CTNNA2: variants seen among roughly 807,000 people sequenced by gnomAD.
The protein encoded by CTNNA2 is catenin alpha-2.
In CTNNA2, 42 loss-of-function variants were observed where a neutral mutation model predicts 101.0. The ratio of observed to expected loss-of-function variants is 0.42; its 90% CI spans 0.32 to 0.54. CTNNA2 has a LOEUF of 0.54. Among genes scored for constraint, CTNNA2 ranks in the 20% least tolerant of loss-of-function variants. The probability of loss-of-function intolerance (pLI) is 0.14; values close to 1 mark genes in which losing one functional copy is unlikely to be tolerated. For synonymous variants in CTNNA2, 450 were observed against 456.4 expected (o/e 0.99, Z 0.18); for missense variants, 871 against 1,223.1 (o/e 0.71, Z 4.29).
At chr2:79,316,656 C>T (rs1676504557) in intron 3 of CTNNA2, among the ~76,000 whole-genome samples, 1 of 151,576 alleles carries the variant, frequency 6.6e-6, no homozygotes, top group Admixed American at 6.6e-5. Flanking sequence ...TATTCCTAAA[C>T]ATTTTACTAT....
chr2:79,339,023 A>G (rs1220696840), intron 3 of CTNNA2, among the ~76,000 whole-genome samples: 1 of 152,138 alleles, frequency 6.6e-6, no homozygotes, highest in African/African-American at 2.4e-5. Flanking sequence ...GCAGCTGGAT[A>G]CATGTTTGTA....
chr2:80,405,515 T>C (rs1678973709), intron 8 of CTNNA2, among the ~76,000 whole-genome samples: 1 of 152,200 alleles, frequency 6.6e-6, no homozygotes, highest in African/African-American at 2.4e-5. Context: ...ATAATAATTA[T>C]AATAATAGGC....
intron 7 of CTNNA2, among the ~76,000 whole-genome samples, chr2:80,184,564 C>G (rs1004487084): frequency 6.6e-6 from 1 of 152,030 alleles, no homozygotes; most frequent in Non-Finnish European, 1.5e-5. Flanking sequence ...AGTTTCATAC[C>G]AAGACTTAAA....
rs183977600 is a variant in CTNNA2 at position 79,999,774 on chromosome 2, G to C, written c.1056+89977G>C. ...AAATCAAAGCCCGTGCTCTGTTATA[G>C]CTTATGTTCTAGTAAGAGAGATGGG... On this transcript the variant is annotated intron_variant, in intron 7 of 18. Transcript: ENST00000402739. Among the ~76,000 whole-genome samples the C allele has an allele frequency of 1.0e-3, 153 of 152,236 alleles. 1 individual carries two copies. In the Middle Eastern group the frequency reaches 0.02, roughly 20 times the overall value.
At chr2:80,139,428 T>C (rs1458404295) in intron 7 of CTNNA2, among the ~76,000 whole-genome samples, 1 of 152,174 alleles carries the variant, frequency 6.6e-6, no homozygotes, top group East Asian at 1.9e-4. Flanking sequence ...TTCTTAAATA[T>C]GGTTTAATAC....
intron 4 of CTNNA2, among the ~76,000 whole-genome samples, chr2:79,445,799 T>C (rs887542803): frequency 2.0e-5 from 3 of 152,148 alleles, no homozygotes; most frequent in African/African-American, 7.2e-5. Context: ...TTAACTAAAA[T>C]TTAAAACATT....
intron 18 of CTNNA2, among the ~76,000 whole-genome samples, chr2:80,626,886 C>T (rs1336631605): frequency 6.6e-6 from 1 of 151,872 alleles, no homozygotes; most frequent in East Asian, 2.0e-4. Flanking sequence ...CCTGACAGGC[C>T]CCAGTGTGTG....
intron 9 of CTNNA2, among the ~76,000 whole-genome samples, chr2:80,536,531 A>G (rs1485858343): frequency 1.3e-5 from 2 of 152,178 alleles, no homozygotes. Flanking sequence ...AGTGTTTGGG[A>G]GTTGAATGCA....
rs1337100539 is a variant in CTNNA2, at chr2:80,035,992, C to T, written c.1056+126195C>T. 5.9e-5 allele frequency among the ~76,000 whole-genome samples: 9 copies of T among 152,220 alleles called. No homozygotes were observed. The East Asian group carries it at 9.6e-4, about 16-fold the overall frequency. On this transcript the variant is annotated intron_variant, in intron 7 of 18. Transcript: ENST00000402739. Reference sequence around the variant, plus strand: ...CAATAGATGTAATCTACATGAGCCACAGCAAGTCTTTTGATTCAGTCCCAC... The same window carrying T: ...CAATAGATGTAATCTACATGAGCCATAGCAAGTCTTTTGATTCAGTCCCAC...
At chr2:80,505,282 A>C (rs1302583771) in intron 9 of CTNNA2, among the ~76,000 whole-genome samples, 3 of 152,126 alleles carry the variant, frequency 2.0e-5, no homozygotes, top group Non-Finnish European at 4.4e-5. Context: ...ATTTACGTAA[A>C]GCTCCCACCC....
At chr2:80,089,922 A>G (rs1699681003) in intron 7 of CTNNA2, among the ~76,000 whole-genome samples, 1 of 151,908 alleles carries the variant, frequency 6.6e-6, no homozygotes, top group Non-Finnish European at 1.5e-5. Flanking sequence ...AGCTCTCCCC[A>G]GTTCTCTGCC....
intron 18 of CTNNA2, among the ~76,000 whole-genome samples, chr2:80,629,717 G>A (rs1028148347): frequency 2.0e-5 from 3 of 152,098 alleles, no homozygotes; most frequent in Non-Finnish European, 4.4e-5. Flanking sequence ...GTTATCCACT[G>A]TAGGATGTTT....
In CTNNA2 at chr2:79,800,507, A is replaced by G. The variant is rs184199879; in HGVS notation, c.298+55925A>G. The stretch of plus-strand genomic sequence containing the variant: ...AAAATTGAAAAATACAGGAAATGCT[A>G]AAAAAAAGTCAGCTCAGATAATATT... On this transcript the variant is annotated intron_variant, in intron 3 of 18. Coordinates refer to ENST00000402739, the MANE Select transcript of CTNNA2 (RefSeq NM_001282597.3). Among the ~76,000 whole-genome samples, 427 of 150,638 alleles carry G rather than the reference A, an allele frequency of 2.8e-3. 5 individuals carry two copies. Among genetic ancestry groups the G allele is most frequent in the Admixed American group, 0.023 (352 of 15,240 alleles).
intron 7 of CTNNA2, among the ~76,000 whole-genome samples, chr2:80,146,401 C>T (rs1247115459): frequency 6.6e-6 from 1 of 152,162 alleles, no homozygotes; most frequent in Non-Finnish European, 1.5e-5. Flanking sequence ...TTTCTTCCCT[C>T]TGAACTCTCT....
intron 3 of CTNNA2, among the ~76,000 whole-genome samples, chr2:79,372,261 C>T (rs759535664): frequency 1.1e-4 from 16 of 152,238 alleles, no homozygotes; most frequent in East Asian, 3.9e-4. Flanking sequence ...ACAGGAGGAA[C>T]GAAGTCCCTC....
chr2:80,477,804 T>TCC (rs1685844058), intron 9 of CTNNA2, among the ~76,000 whole-genome samples: 1 of 151,830 alleles, frequency 6.6e-6, no homozygotes, highest in African/African-American at 2.4e-5. Flanking sequence ...CATGGGCACT[T>TCC]AGGTTAATTC....
At chr2:79,959,469 T>C (rs1052584855) in intron 7 of CTNNA2, among the ~76,000 whole-genome samples, 1 of 152,216 alleles carries the variant, frequency 6.6e-6, no homozygotes. Context: ...TTAATTACTT[T>C]TACATCTCCT....
At chr2:80,363,703 G>T (rs1442613723) in intron 7 of CTNNA2, among the ~76,000 whole-genome samples, 6 of 152,144 alleles carry the variant, frequency 3.9e-5, no homozygotes, top group Non-Finnish European at 8.8e-5. Flanking sequence ...AATGTGGCTA[G>T]TATGATTCTG....
intron 8 of CTNNA2, among the ~76,000 whole-genome samples, chr2:80,404,593 A>G (rs1678891227): frequency 6.6e-6 from 1 of 152,168 alleles, no homozygotes; most frequent in Non-Finnish European, 1.5e-5. Context: ...GAGAAACAGG[A>G]AAAATAGTAC....
Sources: gnomAD v4.1 joint callset for allele counts (sites outside exome capture counted in the v4.1 genomes callset) on GRCh38, gnomAD v4.1.1 for gene constraint, MANE v1.5 for transcripts, NCBI Gene and HGNC (gene_info 2026-07-23, HGNC 2026-07-21) for gene names.